FGF17: variants seen among roughly 807,000 people sequenced by gnomAD.
FGF17 encodes fibroblast growth factor 17.
Under a neutral mutation model 23.5 loss-of-function variants are expected in FGF17, and 5 were observed. The observed-to-expected ratio is 0.21, with a 90% CI of 0.11 to 0.45. The LOEUF (loss-of-function observed/expected upper bound fraction) is 0.45. Ranked by LOEUF, FGF17 falls within the 20% of genes least tolerant of loss-of-function variation. FGF17 has a pLI of 0.99. For synonymous variants in FGF17, 136 were observed against 123.0 expected, an observed-to-expected ratio of 1.11 and a Z score of -0.70; for missense variants, 221 against 306.9, an observed-to-expected ratio of 0.72 and a Z score of 2.09.
At chr8:22,043,209 C>G (rs776104827) in intron 2 of FGF17, 28 bp downstream of exon 2, 1 of 1,611,096 alleles carries the variant, frequency 6.2e-7, no homozygotes, top group Non-Finnish European at 8.5e-7. Context: ...CCGGCTTTCC[C>G]CCAATTTTTC....
chr8:22,043,233 C>T (rs1454055660), intron 2 of FGF17, 52 bp downstream of exon 2: 1 of 1,588,588 alleles, frequency 6.3e-7, no homozygotes, highest in Non-Finnish European at 8.6e-7. Context: ...CCTACCTGAC[C>T]AGGGCGGGTG....
intron 1 of FGF17, 71 bp from the exon 2 acceptor site, chr8:22,043,074 G>C: frequency 6.2e-7 from 1 of 1,602,068 alleles, no homozygotes; most frequent in Non-Finnish European, 8.5e-7. Flanking sequence ...CAGGGCGGGG[G>C]CGGGGGCCTG....
chr8:22,046,389 G>A lies in FGF17; in HGVS notation c.250+98G>A, dbSNP rs544300366. ...GTCCATCCCCAGATCCTGTGTCAGG[G>A]CTGAGGGCCCCAAGGGCCTGAGTGT... On this transcript the variant is annotated intron_variant, in intron 3 of 4. Coordinates refer to ENST00000359441, the MANE Select transcript of FGF17 (RefSeq NM_003867.4). 7.3e-6 allele frequency: 11 copies of A among 1,503,044 alleles called. No homozygotes were observed. The Admixed American group carries it at 1.7e-4, about 23-fold the overall frequency. 93.1% of individuals were successfully genotyped at this position (1,503,044 alleles called of 1,614,324 possible).
chr8:22,041,197 C>T (rs957067664), upstream of FGF17, among the ~76,000 whole-genome samples: 1 of 152,190 alleles, frequency 6.6e-6, no homozygotes, highest in African/African-American at 2.4e-5. Flanking sequence ...CCATCCTCCC[C>T]ACACAAGCTC....
chr8:22,046,950 AT>A lies in FGF17; in HGVS notation c.357+334del, dbSNP rs3038873. 1.5e-3 allele frequency among the ~76,000 whole-genome samples: 179 copies of A among 120,562 alleles called. 2 individuals carry two copies. The highest frequency in any genetic ancestry group is 4.4e-3 in the South Asian group (16 of 3,676). The allele number at this position is 120,562 out of a possible 152,430, so 79.1% of individuals were successfully genotyped here. A position where few individuals can be genotyped will look rare whatever the true frequency, so the allele number is the denominator to read the frequency against. ...AGGTGCATGCCACCATGCCCAGCTA[AT>A]TTTTTTTTTTTTTTTTGTAGAGATA... On this transcript the variant is annotated intron_variant, in intron 4 of 4. Transcript: ENST00000359441.
In FGF17 at chr8:22,046,278, C is replaced by G. The variant is rs375504582; in HGVS notation, c.237C>G (p.Asp79Glu). Residue 79 changes from aspartate to glutamate, a missense_variant, in exon 3 of 5, where the codon GAC becomes GAG. Transcript: ENST00000359441. ...TGRRISATAE[D>E]GNKFAKLIVE... ...GTCGCATCTCCGCCACCGCCGAGGA[C>G]GGCAACAAGTTTGGTGAGAGTTGGC... 5 of 1,613,346 alleles carry G rather than the reference C, an allele frequency of 3.1e-6. No homozygotes were observed. In the African/African-American group the frequency reaches 6.7e-5, roughly 22 times the overall value.
intron 4 of FGF17, among the ~76,000 whole-genome samples, chr8:22,047,077 G>C (rs1178279710): frequency 6.6e-6 from 1 of 151,776 alleles, no homozygotes; most frequent in East Asian, 1.9e-4. Flanking sequence ...GTGAGCCACG[G>C]AGCCCGGCCT....
At chr8:22,046,404 G>A (rs1800868192) in intron 3 of FGF17, 113 bp downstream of exon 3, 2 of 1,456,358 alleles carry the variant, frequency 1.4e-6, no homozygotes, top group Non-Finnish European at 1.9e-6. Flanking sequence ...GGGCCCCAAG[G>A]GCCTGAGTGT....
At chr8:22,047,698 T>C (rs1025942295) in intron 4 of FGF17, among the ~76,000 whole-genome samples, 4 of 152,226 alleles carry the variant, frequency 2.6e-5, no homozygotes, top group African/African-American at 9.6e-5. Flanking sequence ...GATCTTCACC[T>C]ACATCTCAGG....
chr8:22,039,893 CTG>C (rs1585530162), upstream of FGF17, among the ~76,000 whole-genome samples: 2 of 151,848 alleles, frequency 1.3e-5, no homozygotes, highest in South Asian at 2.1e-4. Context: ...CAGGTGGGCT[CTG>C]TGTTTGCACC....
chr8:22,044,340 G>A (rs1490611263), intron 2 of FGF17, among the ~76,000 whole-genome samples: 1 of 152,142 alleles, frequency 6.6e-6, no homozygotes. Flanking sequence ...ACAAGCAGCT[G>A]TCTGCAGTGG....
intron 2 of FGF17, chr8:22,045,727 G>A: frequency 8.9e-7 from 1 of 1,126,442 alleles, no homozygotes; most frequent in Non-Finnish European, 1.1e-6. Context: ...GGAGATGACA[G>A]GCTCTGGTCT....
At chr8:22,042,332 C>T (rs1190539822), upstream of FGF17, 2 of 160,104 alleles carry the variant, frequency 1.2e-5, no homozygotes, top group African/African-American at 4.8e-5. Context: ...CAAGCCCACC[C>T]CTGCCCCCTG....
chr8:22,045,752 G>C (rs1313137667), intron 2 of FGF17: 5 of 1,184,678 alleles, frequency 4.2e-6, no homozygotes, highest in Non-Finnish European at 5.3e-6. Flanking sequence ...GGTAGGGACA[G>C]GGGTTCTGTC....
chr8:22,040,539 T>C (rs913850882), upstream of FGF17, among the ~76,000 whole-genome samples: 1 of 152,244 alleles, frequency 6.6e-6, no homozygotes, highest in Non-Finnish European at 1.5e-5. Flanking sequence ...ACCCCCTGGC[T>C]AAGCCCCGAG....
At chr8:22,042,763 T>C, upstream of FGF17, 2 of 543,554 alleles carry the variant, frequency 3.7e-6, no homozygotes, top group Non-Finnish European at 3.4e-6. Context: ...CCCCTCCTCC[T>C]CCCTCTTTTC....
At chr8:22,043,464 A>G (rs1248502606) in intron 2 of FGF17, among the ~76,000 whole-genome samples, 1 of 152,086 alleles carries the variant, frequency 6.6e-6, no homozygotes, top group Non-Finnish European at 1.5e-5. Context: ...GACTTGAGGG[A>G]TGGAGCCTGG....
chr8:22,046,487 C>G (rs1381518306), intron 3 of FGF17, 40 bp from the exon 4 acceptor site: 1 of 1,546,192 alleles, frequency 6.5e-7, no homozygotes, highest in African/African-American at 1.4e-5. Context: ...AGGCCGGCAG[C>G]CCCGATGGAC....
upstream of FGF17, chr8:22,042,290 C>G (rs776409311): frequency 1.2e-4 from 19 of 157,520 alleles, no homozygotes; most frequent in Non-Finnish European, 2.0e-4. Context: ...CAGCCTTAAC[C>G]CCTCCTTCCC....
Sources: allele counts gnomAD v4.1 joint callset (sites outside exome capture counted in the v4.1 genomes callset), GRCh38; gene constraint gnomAD v4.1.1; transcripts MANE v1.5; gene names NCBI Gene and HGNC (gene_info 2026-07-23, HGNC 2026-07-21).